Variants in HARBI1 observed in about 807,000 individuals in gnomAD.
The protein encoded by HARBI1 is putative nuclease HARBI1.
In HARBI1, 15 loss-of-function variants were observed where a neutral mutation model predicts 25.3. That is an observed-to-expected ratio of 0.59 (90% CI 0.40 to 0.91). The LOEUF (loss-of-function observed/expected upper bound fraction) is 0.91, where lower values mean the gene tolerates loss of function less well. Among genes scored for constraint, HARBI1 ranks in the 40% least tolerant of loss-of-function variants. The probability of loss-of-function intolerance (pLI) is 0.00; values close to 1 mark genes in which losing one functional copy is unlikely to be tolerated. For synonymous variants in HARBI1, 168 were observed against 160.5 expected (o/e 1.05, Z -0.35); for missense variants, 396 against 445.8 (o/e 0.89, Z 1.01).
chr11:46,610,135 G>A (rs1407648784), intron 2 of HARBI1, among the ~76,000 whole-genome samples: 2 of 151,462 alleles, frequency 1.3e-5, no homozygotes, highest in Non-Finnish European at 2.9e-5. Context: ...TTACAGGCAT[G>A]AGTCACAGCG....
chr11:46,605,631 A>G (rs1365296846), intron 2 of HARBI1, among the ~76,000 whole-genome samples: 1 of 120,058 alleles, frequency 8.3e-6, no homozygotes, highest in African/African-American at 3.4e-5. Context: ...TCTGTTGCCC[A>G]GGCTGGAGTG....
intron 2 of HARBI1, among the ~76,000 whole-genome samples, chr11:46,609,654 T>G (rs1204578757): frequency 6.6e-6 from 1 of 151,770 alleles, no homozygotes; most frequent in Non-Finnish European, 1.5e-5. Context: ...TCCACAGGTA[T>G]ATTCCAAGAT....
At position 46,616,471 on chromosome 11, in the gene HARBI1, C is replaced by T. The variant is rs1016440839; in HGVS notation, c.-144-90G>A. The T allele has an allele frequency of 2.0e-5, 27 of 1,349,022 alleles. No individual in the cohort carries two copies. In the African/African-American group the frequency reaches 2.9e-4, roughly 15 times the overall value. The allele number at this position is 1,349,022 out of a possible 1,614,324, so 83.6% of individuals were successfully genotyped here. Reference sequence around the variant, plus strand: ...GAGCAGCTCCTTTTCTACAAATTTCCATTTTGTTGAGGCAAAACGTACTGT... The same window carrying T: ...GAGCAGCTCCTTTTCTACAAATTTCTATTTTGTTGAGGCAAAACGTACTGT... On this transcript the variant is annotated intron_variant, in intron 1 of 2. Coordinates refer to ENST00000326737, the MANE Select transcript of HARBI1 (RefSeq NM_173811.4).
chr11:46,604,316 A>G, intron 2 of HARBI1: 1 of 868,752 alleles, frequency 1.2e-6, no homozygotes, highest in Non-Finnish European at 1.4e-6. Context: ...GTTCAAGACC[A>G]GCCTGACCAA....
intron 2 of HARBI1, among the ~76,000 whole-genome samples, chr11:46,606,124 G>A (rs912248893): frequency 6.6e-6 from 1 of 151,692 alleles, no homozygotes; most frequent in South Asian, 2.1e-4. Context: ...GACCTCATGC[G>A]ATCCACCCCC....
In HARBI1 at chr11:46,615,850, C is replaced by T; in HGVS notation, c.388G>A (p.Ala130Thr). The T allele has an allele frequency of 6.2e-7, 1 of 1,614,226 alleles. No individual in the cohort carries two copies. The highest frequency in any genetic ancestry group is 8.5e-7 in the Non-Finnish European group (1 of 1,180,050). The change falls in exon 2 of 3, where the codon GCT becomes ACT. Residue 130 changes from alanine (A) to threonine (T), a missense_variant. Ala to Thr is a moderately conservative substitution (Grantham distance 58). Coordinates refer to ENST00000326737, the MANE Select transcript of HARBI1 (RefSeq NM_173811.4). ...RFPADEASIQ[A>T]LKDEFYGLAG... is the part of the protein sequence containing the mutation. ...AACCCATAGAATTCATCCTTCAGAGCCTGAATGGAGGCTTCATCAGCTGGA... is the reference window on the plus strand; with the variant it reads ...AACCCATAGAATTCATCCTTCAGAGTCTGAATGGAGGCTTCATCAGCTGGA...
At chr11:46,614,608 A>G (rs1029664613) in intron 2 of HARBI1, among the ~76,000 whole-genome samples, 2 of 152,180 alleles carry the variant, frequency 1.3e-5, no homozygotes, top group African/African-American at 4.8e-5. Context: ...ATAAGAAAAA[A>G]AAGTTTAATT....
intron 2 of HARBI1, among the ~76,000 whole-genome samples, chr11:46,611,244 T>G (rs1193564833): frequency 6.6e-6 from 1 of 152,136 alleles, no homozygotes; most frequent in Non-Finnish European, 1.5e-5. Flanking sequence ...CCTGACCTCG[T>G]GATCCGCCCA....
At chr11:46,616,834 A>T in intron 1 of HARBI1, 4 of 628,678 alleles carry the variant, frequency 6.4e-6, no homozygotes, top group Non-Finnish European at 7.5e-6. Context: ...GAAGGGGCAA[A>T]AAAAAAAAAA....
At chr11:46,616,852 A>AAC in intron 1 of HARBI1, 4 of 967,086 alleles carry the variant, frequency 4.1e-6, no homozygotes, top group Non-Finnish European at 4.9e-6. Flanking sequence ...AAAAAAAAAA[A>AAC]AAAAAAAAAA....
chr11:46,615,487 G>C, intron 2 of HARBI1, 81 bp downstream of exon 2: 1 of 1,162,446 alleles, frequency 8.6e-7, no homozygotes, highest in Non-Finnish European at 1.3e-6. Context: ...AAAGTGCTGG[G>C]GTTGTGTGAG....
intron 1 of HARBI1, 78 bp downstream of exon 1, chr11:46,617,046 C>T: frequency 1.0e-6 from 1 of 971,750 alleles, no homozygotes; most frequent in Non-Finnish European, 1.2e-6. Context: ...GACTCTGCCA[C>T]TTTTAAAGGG....
In HARBI1 at chr11:46,615,797, C is replaced by T; in HGVS notation, c.441G>A (p.Val147=). 6.2e-7 allele frequency: 1 copy of T among 1,614,176 alleles called. No homozygotes were observed. Among genetic ancestry groups the T allele is most frequent in the Non-Finnish European group, 8.5e-7 (1 of 1,180,034 alleles). Residue 147 remains valine (V), a synonymous_variant, in exon 2 of 3, where the codon GTG becomes GTA. Transcript: ENST00000326737. ...TGATGGCCACATGGATACAGTCAAC[C>T]ACCCCCATCACCCCTGGCATCCCTG... is the stretch of plus-strand genomic sequence containing the variant. The part of the protein sequence containing the change: ...GLAGMPGVMG[V]VDCIHVAIKA...
At chr11:46,616,517 C>A (rs953680002) in intron 1 of HARBI1, 136 bp from the exon 2 acceptor site, 1 of 1,205,792 alleles carries the variant, frequency 8.3e-7, no homozygotes, top group African/African-American at 1.6e-5. Context: ...CCGGATTTTT[C>A]TCCACTAACT....
At chr11:46,607,887 G>A (rs1272364393) in intron 2 of HARBI1, among the ~76,000 whole-genome samples, 4 of 136,104 alleles carry the variant, frequency 2.9e-5, no homozygotes, top group Non-Finnish European at 6.2e-5. Context: ...GACAGGAATG[G>A]ATAATATCGT....
upstream of HARBI1, chr11:46,617,823 T>C (rs2045770358): frequency 2.5e-6 from 1 of 399,140 alleles, no homozygotes; most frequent in African/African-American, 2.1e-5. Context: ...GAGGCGCGGC[T>C]GGTCGGTCCC....
chr11:46,615,469 A>T, intron 2 of HARBI1, 99 bp downstream of exon 2: 1 of 925,824 alleles, frequency 1.1e-6, no homozygotes, highest in Non-Finnish European at 1.7e-6. Context: ...CTACCGCCTC[A>T]GCCTCCCAAA....
chr11:46,603,758 C>G lies in HARBI1; in HGVS notation c.822G>C (p.Leu274=). The change falls in exon 3 of 3, where the codon CTG becomes CTC. Residue 274 remains leucine (L), a synonymous_variant. Coordinates refer to ENST00000326737, the MANE Select transcript of HARBI1 (RefSeq NM_173811.4). ...ACTGCAGTGCCCCCTTGGATCCATC[C>G]AGGCAGCGGAATCGGGAGCAGAGGG... The part of the protein sequence containing the change: ...FRTLCSRFRC[L]DGSKGALQYS... 6.2e-7 allele frequency: 1 copy of G among 1,614,204 alleles called. No individual in the cohort carries two copies. The highest frequency in any genetic ancestry group is 1.7e-5 in the Admixed American group (1 of 60,022).
rs2044829022 is a variant in HARBI1, at chr11:46,603,498, C to T, written c.*32G>A. On this transcript the variant is annotated 3_prime_UTR_variant, in exon 3 of 3. Coordinates refer to ENST00000326737, the MANE Select transcript of HARBI1 (RefSeq NM_173811.4). ...TGAGGAGGAAAGTCTGTCACAACTCCTGGGAAGTATCCCTCCTCTCCACCT... is the reference window on the plus strand; with the variant it reads ...TGAGGAGGAAAGTCTGTCACAACTCTTGGGAAGTATCCCTCCTCTCCACCT... 3 of 1,542,658 alleles carry T rather than the reference C, an allele frequency of 1.9e-6. No individual in the cohort carries two copies. The highest frequency in any genetic ancestry group is 2.5e-5 in the South Asian group (2 of 79,594).
Sources: gnomAD v4.1 joint callset for allele counts (sites outside exome capture counted in the v4.1 genomes callset) on GRCh38, gnomAD v4.1.1 for gene constraint, MANE v1.5 for transcripts, NCBI Gene and HGNC (gene_info 2026-07-23, HGNC 2026-07-21) for gene names.